Variants in MACROD2 observed in about 807,000 individuals in gnomAD.
MACROD2 encodes ADP-ribose glycohydrolase MACROD2.
In MACROD2, 36 loss-of-function variants were observed where a neutral mutation model predicts 70.4. The ratio of observed to expected loss-of-function variants is 0.51; its 90% CI spans 0.39 to 0.68. MACROD2 has a LOEUF of 0.68. MACROD2 is among the 30% of genes least tolerant of loss of function. MACROD2 has a pLI of 0.00. For missense variants in MACROD2, 496 were observed against 538.4 expected (o/e 0.92, Z 0.78); for synonymous variants, 172 against 178.8 (o/e 0.96, Z 0.30).
At chr20:14,796,433 T>C (rs1161103278) in intron 5 of MACROD2, among the ~76,000 whole-genome samples, 1 of 152,094 alleles carries the variant, frequency 6.6e-6, no homozygotes, top group Non-Finnish European at 1.5e-5. Context: ...AATGTTTTTT[T>C]CACTCAATGT....
intron 5 of MACROD2, among the ~76,000 whole-genome samples, chr20:15,176,782 A>T (rs1313328844): frequency 2.0e-5 from 3 of 152,240 alleles, no homozygotes; most frequent in Middle Eastern, 3.4e-3. Flanking sequence ...CCCTCCTTCC[A>T]TGTTGCAGGC....
intron 8 of MACROD2, among the ~76,000 whole-genome samples, chr20:15,544,934 C>T (rs1013182836): frequency 2.0e-5 from 3 of 152,132 alleles, no homozygotes; most frequent in Non-Finnish European, 4.4e-5. Context: ...ATTTCCAGGC[C>T]GCATTCCTCA....
At chr20:14,129,365 AAAGATGAACTGAATT>A (rs1343147792) in intron 3 of MACROD2, among the ~76,000 whole-genome samples, 3 of 152,234 alleles carry the variant, frequency 2.0e-5, no homozygotes, top group Non-Finnish European at 4.4e-5. Context: ...GTGAAATTCT[AAAGATGAACTGAATT>A]ATTTCAATCT....
At chr20:15,192,502 G>T (rs116773517) in intron 5 of MACROD2, among the ~76,000 whole-genome samples, 1 of 152,112 alleles carries the variant, frequency 6.6e-6, no homozygotes, top group Non-Finnish European at 1.5e-5. Flanking sequence ...TGAGGCAAAC[G>T]TGCTCCTACC....
intron 6 of MACROD2, among the ~76,000 whole-genome samples, chr20:15,307,688 A>G (rs2077711308): frequency 6.6e-6 from 1 of 152,172 alleles, no homozygotes; most frequent in Non-Finnish European, 1.5e-5. Context: ...TATCTAATTT[A>G]TGCACCTTGT....
At chr20:15,329,784 C>T (rs1338951517) in intron 6 of MACROD2, among the ~76,000 whole-genome samples, 1 of 151,926 alleles carries the variant, frequency 6.6e-6, no homozygotes, top group African/African-American at 2.4e-5. Flanking sequence ...GATTCTATCC[C>T]CGACCTACTG....
At chr20:15,089,612 G>T (rs955172329) in intron 5 of MACROD2, among the ~76,000 whole-genome samples, 11 of 152,114 alleles carry the variant, frequency 7.2e-5, no homozygotes, top group South Asian at 2.1e-4. Context: ...GTCTCCTTTT[G>T]CTTCCCTCCC....
intron 6 of MACROD2, among the ~76,000 whole-genome samples, chr20:15,284,814 C>T (rs2077476776): frequency 6.6e-6 from 1 of 152,168 alleles, no homozygotes; most frequent in African/African-American, 2.4e-5. Context: ...CCATGACTGC[C>T]ATTTTCATCA....
At chr20:15,673,576 GT>G (rs2050012447) in intron 8 of MACROD2, among the ~76,000 whole-genome samples, 1 of 152,110 alleles carries the variant, frequency 6.6e-6, no homozygotes, top group Admixed American at 6.5e-5. Flanking sequence ...CTTAGCACCT[GT>G]TCATGGTCTA....
At chr20:14,536,879 T>G (rs1429239834) in intron 4 of MACROD2, among the ~76,000 whole-genome samples, 2 of 152,174 alleles carry the variant, frequency 1.3e-5, no homozygotes, top group Non-Finnish European at 2.9e-5. Context: ...AGTGCCTGTC[T>G]CAACATGTTC....
chr20:14,908,171 T>G (rs2073982381), intron 5 of MACROD2, among the ~76,000 whole-genome samples: 1 of 149,946 alleles, frequency 6.7e-6, no homozygotes. Context: ...CGGTGAAATC[T>G]TTTCTCTACT....
intron 6 of MACROD2, among the ~76,000 whole-genome samples, chr20:15,368,223 C>T (rs1369568565): frequency 6.6e-6 from 1 of 151,840 alleles, no homozygotes; most frequent in Non-Finnish European, 1.5e-5. Context: ...ACTCTCAGGC[C>T]CACCCCCGCC....
intron 5 of MACROD2, among the ~76,000 whole-genome samples, chr20:15,138,621 T>C (rs1445238811): frequency 6.6e-6 from 1 of 152,218 alleles, no homozygotes; most frequent in African/African-American, 2.4e-5. Flanking sequence ...TCCATGTTGT[T>C]ATTTTTGCAC....
At chr20:14,757,527 A>G in intron 5 of MACROD2, 1 of 699,040 alleles carries the variant, frequency 1.4e-6, no homozygotes, top group South Asian at 1.7e-5. Flanking sequence ...AAAAGACTGT[A>G]TCTAGGCCCT....
At chr20:15,646,779 T>A (rs114371286) in intron 8 of MACROD2, among the ~76,000 whole-genome samples, 2,968 of 152,286 alleles carry the variant, frequency 0.019, 86 homozygotes, top group African/African-American at 0.066. Flanking sequence ...GGTGCCTTGC[T>A]TCTCCTTCGC....
At chr20:14,241,595 C>T (rs2081930226) in intron 3 of MACROD2, among the ~76,000 whole-genome samples, 1 of 151,932 alleles carries the variant, frequency 6.6e-6, no homozygotes, top group Non-Finnish European at 1.5e-5. Flanking sequence ...TGGCCACCAC[C>T]TTTAGTAAAG....
chr20:15,957,446 C>T (rs779288790), intron 12 of MACROD2, among the ~76,000 whole-genome samples: 1 of 152,174 alleles, frequency 6.6e-6, no homozygotes, highest in Non-Finnish European at 1.5e-5. Context: ...AAGTGACCCA[C>T]TTCATACGTC....
At chr20:14,885,119 G>C (rs1346656524) in intron 5 of MACROD2, among the ~76,000 whole-genome samples, 1 of 152,040 alleles carries the variant, frequency 6.6e-6, no homozygotes, top group Admixed American at 6.6e-5. Flanking sequence ...AACCCTACCT[G>C]TCATTGAGAG....
intron 4 of MACROD2, among the ~76,000 whole-genome samples, chr20:14,528,460 C>T (rs1400263263): frequency 6.6e-6 from 1 of 151,940 alleles, no homozygotes; most frequent in Non-Finnish European, 1.5e-5. Context: ...GGACTGAAGT[C>T]TACACTCCTT....
Sources: gnomAD v4.1 joint callset for allele counts (sites outside exome capture counted in the v4.1 genomes callset) on GRCh38, gnomAD v4.1.1 for gene constraint, MANE v1.5 for transcripts, NCBI Gene and HGNC (gene_info 2026-07-23, HGNC 2026-07-21) for gene names.